TMEM260: variants seen among roughly 807,000 people sequenced by gnomAD.
The protein encoded by TMEM260 is transmembrane protein 260.
Under a neutral mutation model 88.9 loss-of-function variants are expected in TMEM260, and 82 were observed. The ratio of observed to expected loss-of-function variants is 0.92; its 90% CI spans 0.77 to 1.11. The LOEUF is 1.11. TMEM260 is among the 50% of genes least tolerant of loss of function. The probability of loss-of-function intolerance (pLI) is 0.00; values close to 1 mark genes in which losing one functional copy is unlikely to be tolerated. For synonymous variants in TMEM260, 314 were observed against 309.3 expected (o/e 1.02, Z -0.16); for missense variants, 902 against 853.4 (o/e 1.06, Z -0.71).
intron 15 of TMEM260, among the ~76,000 whole-genome samples, chr14:56,641,444 C>A (rs971846145): frequency 3.3e-5 from 5 of 152,082 alleles, no homozygotes; most frequent in African/African-American, 1.2e-4. Flanking sequence ...GAAATAAAAT[C>A]CTTTACAGAC....
chr14:56,586,172 T>C (rs1399944451), intron 3 of TMEM260, among the ~76,000 whole-genome samples: 1 of 152,168 alleles, frequency 6.6e-6, no homozygotes, highest in African/African-American at 2.4e-5. Context: ...ATGAGGTTTG[T>C]CATTTTGTGA....
At chr14:56,591,465 G>A (rs1348618599) in intron 3 of TMEM260, among the ~76,000 whole-genome samples, 1 of 152,078 alleles carries the variant, frequency 6.6e-6, no homozygotes, top group Non-Finnish European at 1.5e-5. Context: ...TATACTTTTA[G>A]TATCTTAACA....
intron 14 of TMEM260, among the ~76,000 whole-genome samples, chr14:56,635,745 TG>T (rs1664128771): frequency 6.6e-6 from 1 of 152,202 alleles, no homozygotes; most frequent in African/African-American, 2.4e-5. Context: ...AGCCAGGGAC[TG>T]TGTGCACTGA....
intron 6 of TMEM260, among the ~76,000 whole-genome samples, chr14:56,611,204 G>T (rs1047521845): frequency 6.6e-6 from 1 of 151,990 alleles, no homozygotes; most frequent in Non-Finnish European, 1.5e-5. Context: ...CTGACCTTGT[G>T]ATCCGCCCAC....
intron 12 of TMEM260, among the ~76,000 whole-genome samples, chr14:56,631,838 T>C (rs1040273950): frequency 6.6e-6 from 1 of 152,162 alleles, no homozygotes; most frequent in African/African-American, 2.4e-5. Context: ...TCTATCTATC[T>C]GTTGGGAAAC....
chr14:56,619,343 CT>C (rs376941120), intron 10 of TMEM260: 26 of 148,418 alleles, frequency 1.8e-4, no homozygotes, highest in East Asian at 3.9e-4. Flanking sequence ...TGCCTTTTTT[CT>C]TTTTTTTTTG....
the TMEM260 span, among the ~76,000 whole-genome samples, chr14:56,656,967 C>A: frequency 1.3e-5 from 2 of 152,166 alleles, no homozygotes; most frequent in East Asian, 3.9e-4. Context: ...TTCCCTCTTT[C>A]TACTGGTTTC....
intron 15 of TMEM260, among the ~76,000 whole-genome samples, chr14:56,642,927 T>C (rs1889704240): frequency 1.3e-5 from 2 of 152,196 alleles, no homozygotes. Flanking sequence ...AATGGATAAA[T>C]TCCTGGAGAC....
chr14:56,658,375 G>A, the TMEM260 span, among the ~76,000 whole-genome samples: 1 of 152,060 alleles, frequency 6.6e-6, no homozygotes, highest in Admixed American at 6.5e-5. Flanking sequence ...AGCCTCCTGA[G>A]TAGCTGGGAA....
chr14:56,586,414 C>T (rs766227713), intron 3 of TMEM260, among the ~76,000 whole-genome samples: 3 of 152,002 alleles, frequency 2.0e-5, no homozygotes, highest in African/African-American at 2.4e-5. Flanking sequence ...CACTCTGCTC[C>T]GTTATGGCTG....
intron 15 of TMEM260, among the ~76,000 whole-genome samples, chr14:56,641,790 A>G (rs1176578609): frequency 6.6e-6 from 1 of 152,250 alleles, no homozygotes; most frequent in Admixed American, 6.5e-5. Context: ...GCAGAGACAC[A>G]CATAGGCTCA....
At chr14:56,653,743 A>AAAAAAAAAAAAAC (rs1890250409), downstream of TMEM260, among the ~76,000 whole-genome samples, 2 of 134,250 alleles carry the variant, frequency 1.5e-5, no homozygotes, top group African/African-American at 6.8e-5. Flanking sequence ...CTCCAAAACA[A>AAAAAAAAAAAAAC]AAAAAAAAAA....
chr14:56,607,224 T>C (rs556781063), intron 5 of TMEM260, among the ~76,000 whole-genome samples: 1 of 152,328 alleles, frequency 6.6e-6, no homozygotes, highest in African/African-American at 2.4e-5. Context: ...CCCTCTCGTA[T>C]TGGTCATCTT....
At chr14:56,601,141 T>G (rs1362331509) in intron 3 of TMEM260, among the ~76,000 whole-genome samples, 2 of 152,182 alleles carry the variant, frequency 1.3e-5, no homozygotes, top group African/African-American at 4.8e-5. Context: ...TACTTTACAT[T>G]CTTCAATTTT....
intron 3 of TMEM260, chr14:56,593,307 G>C (rs1392678352): frequency 6.6e-6 from 1 of 152,138 alleles, no homozygotes; most frequent in African/African-American, 2.4e-5. Context: ...TCTGTCATTT[G>C]CATGATCTGG....
chr14:56,627,614 T>C (rs1888319011), intron 12 of TMEM260, among the ~76,000 whole-genome samples: 1 of 152,116 alleles, frequency 6.6e-6, no homozygotes, highest in Non-Finnish European at 1.5e-5. Context: ...AATTACTAAC[T>C]CAAAGGACAT....
the TMEM260 span, among the ~76,000 whole-genome samples, chr14:56,657,550 G>A: frequency 3.0e-4 from 46 of 152,166 alleles, no homozygotes; most frequent in African/African-American, 7.5e-4. Flanking sequence ...CCCTGTCCCC[G>A]ACAGAGCTTC....
In TMEM260 at chr14:56,617,113, A is replaced by T. The variant is rs1241395417; in HGVS notation, c.942-70A>T. The T allele has an allele frequency of 3.3e-6, 3 of 909,074 alleles. No homozygotes were observed. The African/African-American group carries it at 5.3e-5, about 16-fold the overall frequency. 56.3% of individuals were successfully genotyped at this position (909,074 alleles called of 1,614,324 possible). On this transcript the variant is annotated intron_variant, in intron 8 of 15. Coordinates refer to ENST00000261556, the MANE Select transcript of TMEM260 (RefSeq NM_017799.4). ...AGTTTTTATAGATCTAATAGTTTAA[A>T]GTCCTGTGATATTATATTTGACATT...
chr14:56,609,251 A>G lies in TMEM260; in HGVS notation c.782A>G (p.His261Arg), dbSNP rs1887102355. Residue 261 changes from histidine to arginine, a missense_variant, in exon 6 of 16, where the codon CAT becomes CGT. Coordinates refer to ENST00000261556, the MANE Select transcript of TMEM260 (RefSeq NM_017799.4). The part of the protein sequence containing the change: ...DQTTLQGFLT[H>R]FLREEYGTFS... Reference sequence around the variant, plus strand: ...ACAACACTGCAAGGATTTTTGACACATTTTCTCAGGGAAGAATATGGAACC... The same window carrying G: ...ACAACACTGCAAGGATTTTTGACACGTTTTCTCAGGGAAGAATATGGAACC... 1 of 1,613,984 alleles carries G rather than the reference A, an allele frequency of 6.2e-7. No individual in the cohort carries two copies. Among genetic ancestry groups the G allele is most frequent in the South Asian group, 1.1e-5 (1 of 91,066 alleles).
Sources: gnomAD v4.1 joint callset for allele counts (sites outside exome capture counted in the v4.1 genomes callset) on GRCh38, gnomAD v4.1.1 for gene constraint, MANE v1.5 for transcripts, NCBI Gene and HGNC (gene_info 2026-07-23, HGNC 2026-07-21) for gene names.